SLC2A12: variants seen among roughly 807,000 people sequenced by gnomAD.
SLC2A12 encodes solute carrier family 2, facilitated glucose transporter member 12.
In SLC2A12, 23 loss-of-function variants were observed where a neutral mutation model predicts 41.8. The observed-to-expected ratio is 0.55, with a 90% confidence interval of 0.40 to 0.78. The LOEUF (loss-of-function observed/expected upper bound fraction) is 0.78. Among genes scored for constraint, SLC2A12 ranks in the 30% least tolerant of loss-of-function variants. The pLI, the probability that SLC2A12 is intolerant of heterozygous loss-of-function variation, is 0.00. For synonymous variants in SLC2A12, 295 were observed against 285.9 expected (o/e 1.03, Z -0.32); for missense variants, 654 against 745.6 (o/e 0.88, Z 1.43).
intron 3 of SLC2A12, 93 bp downstream of exon 3, chr6:134,006,719 T>C (rs1776820507): frequency 6.7e-7 from 1 of 1,502,264 alleles, no homozygotes; most frequent in Non-Finnish European, 9.0e-7. Flanking sequence ...TGTTTGAAAA[T>C]TTCCACGAAA....
intron 4 of SLC2A12, among the ~76,000 whole-genome samples, chr6:133,994,494 G>T (rs10872420): frequency 0.56 from 85,006 of 151,916 alleles, 24,450 homozygotes; most frequent in African/African-American, 0.64. Context: ...TTAGGAGGCC[G>T]AGGTGGGTGG....
At chr6:134,025,307 G>T (rs1582614120) in intron 2 of SLC2A12, among the ~76,000 whole-genome samples, 1 of 152,094 alleles carries the variant, frequency 6.6e-6, no homozygotes, top group African/African-American at 2.4e-5. Context: ...ATTTATTTCA[G>T]CAAGTCACTT....
intron 3 of SLC2A12, 136 bp downstream of exon 3, chr6:134,006,676 A>C: frequency 2.8e-6 from 3 of 1,059,384 alleles, no homozygotes; most frequent in Non-Finnish European, 4.0e-6. Flanking sequence ...GGTCATGGGT[A>C]CTTCAGGGTC....
chr6:134,011,665 G>A (rs747184327), intron 2 of SLC2A12, among the ~76,000 whole-genome samples: 1 of 152,122 alleles, frequency 6.6e-6, no homozygotes, highest in African/African-American at 2.4e-5. Context: ...ACAGGAGATC[G>A]AGGCTGCAGT....
chr6:134,033,971 C>T (rs375970654), intron 1 of SLC2A12, among the ~76,000 whole-genome samples: 33 of 151,926 alleles, frequency 2.2e-4, no homozygotes, highest in African/African-American at 6.5e-4. Context: ...TTTCTCGGGC[C>T]GGGACTCATA....
Position 134,028,998 on chromosome 6 carries a change from C to T in SLC2A12, c.827G>A (p.Arg276Gln), listed in dbSNP as rs369266906. Residue 276 changes from arginine (R) to glutamine (Q), a missense_variant, in exon 2 of 5, where the codon CGG (arginine) becomes CAG (glutamine). Transcript: ENST00000275230. ...WDLFRSKDNM[R>Q]TRIMIGLTLV... Reference sequence around the variant, plus strand: ...TGTTAGTCCTATCATTATTCGGGTCCGCATGTTGTCTTTTGAACGAAACAG... The same window carrying T: ...TGTTAGTCCTATCATTATTCGGGTCTGCATGTTGTCTTTTGAACGAAACAG... 1.2e-5 allele frequency: 20 copies of T among 1,614,042 alleles called. No homozygotes were observed. The highest frequency in any genetic ancestry group is 8.0e-5 in the African/African-American group (6 of 74,904).
At chr6:134,015,885 C>T (rs913223802) in intron 2 of SLC2A12, among the ~76,000 whole-genome samples, 5 of 152,146 alleles carry the variant, frequency 3.3e-5, no homozygotes, top group Non-Finnish European at 5.9e-5. Context: ...TTAAATTTTA[C>T]GGCAGATGAC....
chr6:134,020,646 A>G (rs1467598028), intron 2 of SLC2A12, among the ~76,000 whole-genome samples: 1 of 152,216 alleles, frequency 6.6e-6, no homozygotes, highest in Non-Finnish European at 1.5e-5. Flanking sequence ...TTTTAAAAAC[A>G]CGAGGAGAAT....
intron 2 of SLC2A12, among the ~76,000 whole-genome samples, chr6:134,018,451 T>C (rs1405215180): frequency 1.3e-5 from 2 of 152,138 alleles, no homozygotes; most frequent in African/African-American, 2.4e-5. Flanking sequence ...CTGGTCCACA[T>C]TCAAACACAA....
rs756326450 is a variant in SLC2A12 at position 134,052,398 on chromosome 6, C to G, written c.83G>C (p.Arg28Pro). The change falls in exon 1 of 5, where the codon CGG (arginine) becomes CCG (proline). Residue 28 changes from arginine to proline, a missense_variant. Arg to Pro is a moderately radical substitution (Grantham distance 103). Around this residue, in one of 3 missense-constraint regions of SLC2A12, gnomAD observed 109 missense variants for 153.0 expected, o/e 0.71. Coordinates refer to ENST00000275230, the MANE Select transcript of SLC2A12 (RefSeq NM_145176.3). ...TTTACCTCTCGCCCAGGGAGGATGC[C>G]GGCTGCCGCTGCCCTCCGTCTCCAC... ...TAVETEGSGS[R>P]HPPWARGCGM... 4.3e-6 allele frequency: 7 copies of G among 1,612,936 alleles called. No individual in the cohort carries two copies. The Admixed American group carries it at 8.3e-5, about 19-fold the overall frequency.
intron 4 of SLC2A12, among the ~76,000 whole-genome samples, chr6:133,994,186 A>G (rs1480297715): frequency 6.6e-6 from 1 of 152,218 alleles, no homozygotes; most frequent in African/African-American, 2.4e-5. Flanking sequence ...AGTATGTGAG[A>G]AAGAGGAAAG....
In SLC2A12 at chr6:133,991,229, G is replaced by A; in HGVS notation, c.1780C>T (p.Pro594Ser). 2 of 1,613,994 alleles carry A rather than the reference G, an allele frequency of 1.2e-6. No individual in the cohort carries two copies. The highest frequency in any genetic ancestry group is 2.7e-5 in the African/African-American group (2 of 74,992). Residue 594 changes from proline (P) to serine (S), a missense_variant, in exon 5 of 5, where the codon CCC becomes TCC. By Grantham distance (74) the Pro-to-Ser change is moderately conservative (BLOSUM62 -1). Around this residue, in one of 3 missense-constraint regions of SLC2A12, gnomAD observed 134 missense variants for 180.5 expected, o/e 0.74. Transcript: ENST00000275230. ...LVPKQPQKRKPQEQLLECNKL... is the reference protein window; with the variant it reads ...LVPKQPQKRKSQEQLLECNKL... ...TTACACTCCAAGAGCTGCTCCTGGGGTTTTCTTTTTTGAGGCTGTTTTGGC... is the reference window on the plus strand; with the variant it reads ...TTACACTCCAAGAGCTGCTCCTGGGATTTTCTTTTTTGAGGCTGTTTTGGC...
At chr6:134,052,247 G>GCAGACACACACACACACA in intron 1 of SLC2A12, 131 bp downstream of exon 1, 1 of 270,242 alleles carries the variant, frequency 3.7e-6, no homozygotes, top group Non-Finnish European at 5.9e-6. Flanking sequence ...GCGCGCGCGC[G>GCAGACACACACACACACA]CATACACACA....
intron 2 of SLC2A12, among the ~76,000 whole-genome samples, chr6:134,019,507 C>T (rs1056622297): frequency 1.3e-4 from 20 of 152,020 alleles, no homozygotes; most frequent in African/African-American, 4.4e-4. Context: ...AGTGGGGAGT[C>T]GAGGTAAGAT....
intron 2 of SLC2A12, among the ~76,000 whole-genome samples, chr6:134,016,200 G>C (rs185574710): frequency 6.6e-6 from 1 of 151,994 alleles, no homozygotes; most frequent in African/African-American, 2.4e-5. Context: ...CTTGGAGATA[G>C]AGATAGTGTC....
intron 4 of SLC2A12, among the ~76,000 whole-genome samples, chr6:134,000,402 C>T (rs981560383): frequency 1.3e-5 from 2 of 152,190 alleles, no homozygotes; most frequent in African/African-American, 2.4e-5. Context: ...TACACATGCA[C>T]ACATATACCT....
chr6:134,045,946 G>A (rs1777449830), intron 1 of SLC2A12, among the ~76,000 whole-genome samples: 1 of 152,178 alleles, frequency 6.6e-6, no homozygotes. Context: ...TGGGCTTGCA[G>A]CATGAAAAAT....
At chr6:134,047,636 C>A (rs1777477536) in intron 1 of SLC2A12, among the ~76,000 whole-genome samples, 1 of 152,154 alleles carries the variant, frequency 6.6e-6, no homozygotes. Context: ...GGAAAGATAC[C>A]CTGTGGGCTC....
rs1018376071 is a variant in SLC2A12, at chr6:134,005,338, G to A, written c.1567+1474C>T. On this transcript the variant is annotated intron_variant, in intron 3 of 4. Coordinates refer to ENST00000275230, the MANE Select transcript of SLC2A12 (RefSeq NM_145176.3). ...TGCAGTTGAATTTCAGGCTTCAGTG[G>A]AAAGTAACAATGAGCCTGACCTTAT... Among the ~76,000 whole-genome samples the A allele has an allele frequency of 1.1e-4, 16 of 152,200 alleles. 1 individual carries two copies. Among genetic ancestry groups the A allele is most frequent in the South Asian group, 8.3e-4 (4 of 4,816 alleles).
Sources: allele counts gnomAD v4.1 joint callset (sites outside exome capture counted in the v4.1 genomes callset), GRCh38; gene constraint gnomAD v4.1.1; regional missense constraint gnomAD v4.1.1; transcripts MANE v1.5; gene names NCBI Gene and HGNC (gene_info 2026-07-23, HGNC 2026-07-21).